Variants in SCAF8 observed in about 807,000 individuals in gnomAD.
SCAF8 encodes the protein SR-related and CTD-associated factor 8.
Under a neutral mutation model 140.5 loss-of-function variants are expected in SCAF8, and 23 were observed. The ratio of observed to expected loss-of-function variants is 0.16; its 90% CI spans 0.12 to 0.23. The LOEUF is 0.23. SCAF8 is among the 10% of genes least tolerant of loss of function. The pLI, the probability that SCAF8 is intolerant of heterozygous loss-of-function variation, is 1.00. For missense variants in SCAF8, 1,397 were observed against 1,555.7 expected (o/e 0.90, Z 1.72); for synonymous variants, 575 against 528.9 (o/e 1.09, Z -1.20).
chr6:154,756,169 G>C (rs147303752), intron 1 of SCAF8, among the ~76,000 whole-genome samples: 1 of 152,178 alleles, frequency 6.6e-6, no homozygotes, highest in Non-Finnish European at 1.5e-5. Flanking sequence ...CCACTTTTGT[G>C]TACAGTATTA....
chr6:154,734,902 A>G (rs779732083), intron 1 of SCAF8, among the ~76,000 whole-genome samples: 2 of 152,184 alleles, frequency 1.3e-5, no homozygotes, highest in Non-Finnish European at 1.5e-5. Flanking sequence ...AGGCGGGCCA[A>G]TCACGAGGTC....
chr6:154,739,195 TG>T (rs1467747684), intron 1 of SCAF8, among the ~76,000 whole-genome samples: 1 of 152,172 alleles, frequency 6.6e-6, no homozygotes, highest in Non-Finnish European at 1.5e-5. Context: ...TGTCAATATG[TG>T]GTCCAGGCTT....
At chr6:154,785,776 G>A (rs540530771) in intron 3 of SCAF8, among the ~76,000 whole-genome samples, 1 of 152,270 alleles carries the variant, frequency 6.6e-6, no homozygotes, top group South Asian at 2.1e-4. Context: ...ACCTGCAGAT[G>A]ACAACTTGGA....
At chr6:154,784,143 A>ATT (rs1562444155) in intron 3 of SCAF8, among the ~76,000 whole-genome samples, 12 of 84,768 alleles carry the variant, frequency 1.4e-4, no homozygotes, top group Non-Finnish European at 2.4e-4. Flanking sequence ...ATATATATAT[A>ATT]TATATATATA....
At chr6:154,758,561 CTTCTCT>C (rs1045963948) in intron 1 of SCAF8, among the ~76,000 whole-genome samples, 13 of 152,312 alleles carry the variant, frequency 8.5e-5, no homozygotes, top group Admixed American at 2.6e-4. Flanking sequence ...AGGGGATCCT[CTTCTCT>C]TTCTCTTTCT....
At chr6:154,822,685 A>G (rs1420010200) in intron 16 of SCAF8, among the ~76,000 whole-genome samples, 1 of 152,178 alleles carries the variant, frequency 6.6e-6, no homozygotes, top group Non-Finnish European at 1.5e-5. Flanking sequence ...TGTTTTTCTG[A>G]GGAGTCAAAT....
intron 6 of SCAF8, among the ~76,000 whole-genome samples, chr6:154,800,026 TC>T (rs1453976909): frequency 6.6e-6 from 1 of 151,176 alleles, no homozygotes; most frequent in Non-Finnish European, 1.5e-5. Context: ...CTTTAAGTGA[TC>T]CGCCCGCCTC....
intron 19 of SCAF8, among the ~76,000 whole-genome samples, chr6:154,831,725 A>G (rs1778742480): frequency 6.9e-6 from 1 of 144,072 alleles, no homozygotes; most frequent in Non-Finnish European, 1.5e-5. Flanking sequence ...AAAAAAAAAA[A>G]AAAAAAAAAA....
chr6:154,810,099 A>G lies in SCAF8; in HGVS notation c.1311A>G (p.Glu437=), dbSNP rs983131795. 3.7e-6 allele frequency: 6 copies of G among 1,613,938 alleles called. No individual in the cohort carries two copies. The highest frequency in any genetic ancestry group is 3.3e-5 in the South Asian group (3 of 91,068). The part of the protein sequence containing the change: ...HRKRSRSRSR[E]RKRKSSRSYS... ...AGCGATCACGCTCCCGCTCAAGAGA[A>G]AGAAAGAGGAAATCATCACGGTCGT... The change falls in exon 12 of 20, where the codon GAA becomes GAG. Residue 437 remains glutamate (E), a synonymous_variant. Coordinates refer to ENST00000367178, the MANE Select transcript of SCAF8 (RefSeq NM_014892.5).
chr6:154,795,057 C>G lies in SCAF8; in HGVS notation c.524C>G (p.Pro175Arg). 1 of 1,613,282 alleles carries G rather than the reference C, an allele frequency of 6.2e-7. No individual in the cohort carries two copies. ...VTPANVVQGLPDPWVSQITNT... is the reference protein window; with the variant it reads ...VTPANVVQGLRDPWVSQITNT... ...CCGGCCAATGTGGTCCAAGGCTTAC[C>G]TGATCCGTGGGTATCTCAGATAACA... Residue 175 changes from proline (P) to arginine (R), a missense_variant, in exon 6 of 20, where the codon CCT (proline) becomes CGT (arginine). Coordinates refer to ENST00000367178, the MANE Select transcript of SCAF8 (RefSeq NM_014892.5).
At chr6:154,734,696 T>G (rs1196010309) in intron 1 of SCAF8, among the ~76,000 whole-genome samples, 1 of 152,186 alleles carries the variant, frequency 6.6e-6, no homozygotes. Context: ...AATTTACTAG[T>G]CTGGAAGAAG....
At chr6:154,761,067 G>A (rs114201167) in intron 1 of SCAF8, among the ~76,000 whole-genome samples, 1 of 151,948 alleles carries the variant, frequency 6.6e-6, no homozygotes, top group Non-Finnish European at 1.5e-5. Context: ...CTCCCAGAGT[G>A]GTGTTGGGAT....
At chr6:154,775,955 C>A (rs1776904751) in intron 2 of SCAF8, among the ~76,000 whole-genome samples, 1 of 152,060 alleles carries the variant, frequency 6.6e-6, no homozygotes, top group South Asian at 2.1e-4. Context: ...AGACTTCATT[C>A]ATAGTAACAC....
intron 1 of SCAF8, 101 bp downstream of exon 1, chr6:154,734,031 A>G: frequency 7.1e-7 from 1 of 1,410,898 alleles, no homozygotes; most frequent in Non-Finnish European, 9.3e-7. Context: ...GGGTTTTTTA[A>G]GGGTGGGGTG....
In SCAF8 at chr6:154,815,801, G is replaced by A. The variant is rs1374896081; in HGVS notation, c.1506G>A (p.Gln502=). 2 of 1,608,188 alleles carry A rather than the reference G, an allele frequency of 1.2e-6. No homozygotes were observed. The highest frequency in any genetic ancestry group is 1.7e-6 in the Non-Finnish European group (2 of 1,175,342). ...CCAACCTGTTTGAAGAGTTTGGACAGATTGAATCCATTAATGCAAGTATCA... is the reference window on the plus strand; with the variant it reads ...CCAACCTGTTTGAAGAGTTTGGACAAATTGAATCCATTAATGCAAGTATCA... ...DLTNLFEEFG[Q]IESINMIPPR... is the part of the protein sequence containing the mutation. Residue 502 remains glutamine (Q), a synonymous_variant, in exon 13 of 20, where the codon CAG becomes CAA. Transcript: ENST00000367178.
At position 154,757,950 on chromosome 6, in the gene SCAF8, A is replaced by T. The variant is rs146491816; in HGVS notation, c.31-16039A>T. On this transcript the variant is annotated intron_variant, in intron 1 of 19. Transcript: ENST00000367178. ...TTTTGAGTTGGAGTCTCACTCTGTC[A>T]TCCAGGCTGGAGTACAGTGGCGTAA... is the stretch of plus-strand genomic sequence containing the variant. Among the ~76,000 whole-genome samples, 293 of 139,486 alleles carry T rather than the reference A, an allele frequency of 2.1e-3. 1 individual carries two copies. Among genetic ancestry groups the T allele is most frequent in the African/African-American group, 7.4e-3 (274 of 37,034 alleles). The allele number at this position is 139,486 out of a possible 152,430, so 91.5% of individuals were successfully genotyped here. A position where few individuals can be genotyped will look rare whatever the true frequency, so the allele number is the denominator to read the frequency against.
chr6:154,785,335 C>T (rs1777221133), intron 3 of SCAF8, among the ~76,000 whole-genome samples: 1 of 152,172 alleles, frequency 6.6e-6, no homozygotes, highest in Non-Finnish European at 1.5e-5. Context: ...TAAATATCCT[C>T]ATACAGCTTG....
At chr6:154,801,504 A>G (rs72993451) in intron 6 of SCAF8, among the ~76,000 whole-genome samples, 2,601 of 151,520 alleles carry the variant, frequency 0.017, 76 homozygotes, top group Non-Finnish European at 0.024. Flanking sequence ...TCAACTCTAG[A>G]TGACACTATT....
intron 12 of SCAF8, among the ~76,000 whole-genome samples, chr6:154,811,591 G>A (rs1778091854): frequency 6.6e-6 from 1 of 151,870 alleles, no homozygotes; most frequent in South Asian, 2.1e-4. Flanking sequence ...ACAAAGTGCA[G>A]GTCTGTTACA....
Sources: gnomAD v4.1 joint callset for allele counts (sites outside exome capture counted in the v4.1 genomes callset) on GRCh38, gnomAD v4.1.1 for gene constraint, MANE v1.5 for transcripts, NCBI Gene and HGNC (gene_info 2026-07-23, HGNC 2026-07-21) for gene names.